The following COPG2 variants were observed in gnomAD, a reference collection of about 807,000 sequenced individuals.
The protein encoded by COPG2 is coatomer subunit gamma-2.
Under a neutral mutation model 46.3 loss-of-function variants are expected in COPG2, and 37 were observed. The observed-to-expected ratio is 0.80, with a 90% confidence interval of 0.61 to 1.05. The LOEUF is 1.05. Among genes scored for constraint, COPG2 ranks in the 50% least tolerant of loss-of-function variants. The pLI, the probability that COPG2 is intolerant of heterozygous loss-of-function variation, is 0.00. For synonymous variants in COPG2, 159 were observed against 129.7 expected (o/e 1.23, Z -1.53); for missense variants, 427 against 387.8 (o/e 1.10, Z -0.85).
chr7:130,661,507 G>T (rs1230004727), intron 4 of COPG2, among the ~76,000 whole-genome samples: 1 of 152,150 alleles, frequency 6.6e-6, no homozygotes, highest in Non-Finnish European at 1.5e-5. Context: ...TCTGAACCCT[G>T]AATTTCTGCT....
intron 22 of COPG2, 23 bp downstream of exon 22, chr7:130,507,662 A>G (rs1554440371): frequency 1.3e-6 from 1 of 779,448 alleles, no homozygotes; most frequent in Non-Finnish European, 2.4e-6. Flanking sequence ...CAGGCAATAT[A>G]CTGATAGCAA....
intron 20 of COPG2, among the ~76,000 whole-genome samples, chr7:130,528,560 C>T (rs1007451229): frequency 3.9e-5 from 6 of 152,028 alleles, no homozygotes; most frequent in South Asian, 2.1e-4. Context: ...AATCACAGAT[C>T]GTGCTGAGAG....
intron 4 of COPG2, among the ~76,000 whole-genome samples, chr7:130,660,451 C>T (rs1172854758): frequency 6.6e-6 from 1 of 152,146 alleles, no homozygotes; most frequent in Non-Finnish European, 1.5e-5. Context: ...TCCTGCAACC[C>T]TCTGAAATAG....
rs1554461497 is a variant in COPG2, at chr7:130,666,862, TAAAG to T, written c.154_157del (p.Leu52ThrfsTer3). On this transcript the variant is annotated frameshift_variant, in exon 3 of 24. Transcript: ENST00000425248. LOFTEE classifies it high-confidence loss of function. ...AAAATAATATACCTGGTTCAGTAAGTAAAGAATCTTTGTAAGAATATGCAAACAT... is the reference window on the plus strand; with the variant it reads ...AAAATAATATACCTGGTTCAGTAAGTAATCTTTGTAAGAATATGCAAACAT... The T allele has an allele frequency of 6.7e-7, 1 of 1,491,806 alleles. No individual in the cohort carries two copies. Among genetic ancestry groups the T allele is most frequent in the East Asian group, 2.3e-5 (1 of 43,998 alleles). 92.4% of individuals were successfully genotyped at this position (1,491,806 alleles called of 1,614,324 possible). A position where few individuals can be genotyped will look rare whatever the true frequency, so the allele number is the denominator to read the frequency against.
In COPG2 at chr7:130,610,956, T is replaced by A. The variant is rs782130194; in HGVS notation, c.734A>T (p.Asp245Val). ...AGGTTTAGGTGAAGACACTTACCCA[T>A]CCTCAGTTTCTTTTAGTAAGCGACT... ...IASRLLKETE[D>V]GHESPLFDFI... The change falls in exon 9 of 24, where the codon GAT (aspartate) becomes GTT (valine). Residue 245 changes from aspartate (D) to valine (V), a missense_variant. Transcript: ENST00000425248. The A allele has an allele frequency of 3.1e-6, 5 of 1,613,870 alleles. No individual in the cohort carries two copies. In the South Asian group the frequency reaches 4.4e-5, roughly 14 times the overall value.
chr7:130,655,079 G>A (rs1795823467), intron 4 of COPG2, among the ~76,000 whole-genome samples: 1 of 151,582 alleles, frequency 6.6e-6, no homozygotes, highest in East Asian at 1.9e-4. Flanking sequence ...ACCATTTCTG[G>A]GTTTGTGTCT....
At chr7:130,525,858 A>G (rs1424869585) in intron 20 of COPG2, among the ~76,000 whole-genome samples, 2 of 151,944 alleles carry the variant, frequency 1.3e-5, no homozygotes, top group Admixed American at 6.5e-5. Context: ...CAGGAGGAAA[A>G]GCAGAGGAGG....
At chr7:130,508,482 T>C in intron 21 of COPG2, 80 bp downstream of exon 21, 1 of 680,158 alleles carries the variant, frequency 1.5e-6, no homozygotes, top group Non-Finnish European at 2.7e-6. Context: ...CAGATGCTCC[T>C]AGAAAAATGT....
At chr7:130,585,099 G>T (rs1554447827) in intron 9 of COPG2, among the ~76,000 whole-genome samples, 1 of 151,982 alleles carries the variant, frequency 6.6e-6, no homozygotes, top group East Asian at 1.9e-4. Context: ...AAACAGCAAG[G>T]TACTGGTATA....
At position 130,641,013 on chromosome 7, in the gene COPG2, C is replaced by T. The variant is rs1795453145; in HGVS notation, c.323+11856G>A. On this transcript the variant is annotated intron_variant, in intron 5 of 23. Transcript: ENST00000425248. The stretch of plus-strand genomic sequence containing the variant: ...AATTATAGTACAATATATTAAAATA[C>T]TAGAACAGAGGTTAAAAAAAAAAAT... Among the ~76,000 whole-genome samples the T allele has an allele frequency of 4.6e-5, 7 of 151,198 alleles. No individual in the cohort carries two copies. In the South Asian group the frequency reaches 1.5e-3, roughly 32 times the overall value.
chr7:130,665,873 A>G (rs1160602720), intron 3 of COPG2, among the ~76,000 whole-genome samples: 1 of 152,070 alleles, frequency 6.6e-6, no homozygotes, highest in South Asian at 2.1e-4. Context: ...AAAATTAATA[A>G]CAACAGCAGC....
In COPG2 at chr7:130,638,836, T is replaced by C. The variant is rs534441960; in HGVS notation, c.323+14033A>G. ...CCCAAACGGCCGCCCAGTTTTGTCCTTGAAACCCAGGGCCCTGGTGGCGTA... is the reference window on the plus strand; with the variant it reads ...CCCAAACGGCCGCCCAGTTTTGTCCCTGAAACCCAGGGCCCTGGTGGCGTA... On this transcript the variant is annotated intron_variant, in intron 5 of 23. Transcript: ENST00000425248. Among the ~76,000 whole-genome samples, 3 of 152,264 alleles carry C rather than the reference T, an allele frequency of 2.0e-5. No individual in the cohort carries two copies. The East Asian group carries it at 5.8e-4, about 29-fold the overall frequency.
intron 5 of COPG2, among the ~76,000 whole-genome samples, chr7:130,621,943 C>CAAAAAAAAAAA (rs562107230): frequency 1.5e-5 from 1 of 67,538 alleles, no homozygotes; most frequent in Non-Finnish European, 3.1e-5. Flanking sequence ...GACTCCATCT[C>CAAAAAAAAAAA]AAAAAAAAAA....
At chr7:130,635,437 G>A (rs951198323) in intron 5 of COPG2, among the ~76,000 whole-genome samples, 9 of 152,168 alleles carry the variant, frequency 5.9e-5, no homozygotes, top group East Asian at 1.9e-4. Context: ...ATTTAGTCTC[G>A]GGAGGGTGTG....
At chr7:130,585,664 T>C (rs1794251784) in intron 9 of COPG2, among the ~76,000 whole-genome samples, 1 of 151,890 alleles carries the variant, frequency 6.6e-6, no homozygotes, top group African/African-American at 2.4e-5. Flanking sequence ...AGGAACTGAA[T>C]AGACAATTCT....
intron 20 of COPG2, among the ~76,000 whole-genome samples, chr7:130,538,303 A>T (rs1450887592): frequency 1.3e-5 from 2 of 152,082 alleles, no homozygotes; most frequent in Non-Finnish European, 2.9e-5. Context: ...AGGTGGTGTG[A>T]TGTGAGTGGG....
intron 20 of COPG2, among the ~76,000 whole-genome samples, chr7:130,544,686 T>G (rs2116376254): frequency 6.6e-6 from 1 of 152,272 alleles, no homozygotes; most frequent in South Asian, 2.1e-4. Flanking sequence ...TAATATATAT[T>G]GTTACGGGTG....
chr7:130,591,017 C>A (rs587611201), intron 9 of COPG2, among the ~76,000 whole-genome samples: 45 of 151,100 alleles, frequency 3.0e-4, no homozygotes, highest in African/African-American at 9.2e-4. Context: ...CGTCTCTGCC[C>A]GGCAGCCACC....
In COPG2 at chr7:130,646,289, G is replaced by A. The variant is rs780412687; in HGVS notation, c.323+6580C>T. Among the ~76,000 whole-genome samples, 167 of 152,286 alleles carry A rather than the reference G, an allele frequency of 1.1e-3. 1 individual carries two copies. The highest frequency in any genetic ancestry group is 2.0e-3 in the Non-Finnish European group (135 of 68,008). ...TAGATGGTCTGCTGCTGAAGACGAA[G>A]GGCTTCATGGTTAACATTGTCTCAT... On this transcript the variant is annotated intron_variant, in intron 5 of 23. Coordinates refer to ENST00000425248, the MANE Select transcript of COPG2 (RefSeq NM_012133.6).
Sources: gnomAD v4.1 joint callset for allele counts (sites outside exome capture counted in the v4.1 genomes callset) on GRCh38, gnomAD v4.1.1 for gene constraint, MANE v1.5 for transcripts, NCBI Gene and HGNC (gene_info 2026-07-23, HGNC 2026-07-21) for gene names.